The following GAS7 variants were observed in gnomAD, a reference collection of about 807,000 sequenced individuals.
The protein encoded by GAS7 is growth arrest specific 7, also known as growth arrest-specific protein 7.
GAS7 carries 28 observed loss-of-function variants against 71.1 expected under a neutral mutation model. The ratio of observed to expected loss-of-function variants is 0.39; its 90% CI spans 0.29 to 0.54. The LOEUF (loss-of-function observed/expected upper bound fraction) is 0.54. Among genes scored for constraint, GAS7 ranks in the 20% least tolerant of loss-of-function variants. GAS7 has a pLI of 0.62. For missense variants in GAS7, 436 were observed against 627.8 expected (o/e 0.69, Z 3.27); for synonymous variants, 258 against 245.8 (o/e 1.05, Z -0.46).
At chr17:10,191,124 G>T (rs533698597) in intron 1 of GAS7, among the ~76,000 whole-genome samples, 2 of 147,350 alleles carry the variant, frequency 1.4e-5, no homozygotes, top group East Asian at 4.0e-4. Context: ...ACAGTGAGCC[G>T]AGATCACGCC....
Position 10,094,758 on chromosome 17 carries a change from G to A in GAS7, c.184-74861C>T, listed in dbSNP as rs182948704. ...GCTGGGATTACAGGTGTGAGCCACC[G>A]CGCCCGGCCACTCTCTGGATCTTTA... On this transcript the variant is annotated intron_variant, in intron 1 of 13. Coordinates refer to ENST00000432992, the MANE Select transcript of GAS7 (RefSeq NM_201433.2). 2.0e-3 allele frequency among the ~76,000 whole-genome samples: 310 copies of A among 152,180 alleles called. 4 individuals carry two copies. The highest frequency in any genetic ancestry group is 7.3e-3 in the African/African-American group (303 of 41,526).
chr17:9,949,521 C>A (rs2068920834), intron 5 of GAS7, among the ~76,000 whole-genome samples: 1 of 152,140 alleles, frequency 6.6e-6, no homozygotes, highest in East Asian at 1.9e-4. Flanking sequence ...AGCGCACACC[C>A]CCTCCCCAGC....
chr17:10,006,875 C>T (rs1049639482), intron 2 of GAS7, among the ~76,000 whole-genome samples: 3 of 152,148 alleles, frequency 2.0e-5, no homozygotes, highest in Admixed American at 2.0e-4. Flanking sequence ...CCTTTCTTGG[C>T]AGTTTTATAC....
At position 10,034,551 on chromosome 17, in the gene GAS7, T is replaced by G. The variant is rs972030745; in HGVS notation, c.184-14654A>C. 1.3e-5 allele frequency among the ~76,000 whole-genome samples: 2 copies of G among 152,140 alleles called. No homozygotes were observed. Among genetic ancestry groups the G allele is most frequent in the Non-Finnish European group, 2.9e-5 (2 of 68,018 alleles). ...CTTGAACTCCTGACCTCAGGTGATC[T>G]GCCCACCTCGGCCTCCCAAAGTGCT... On this transcript the variant is annotated intron_variant, in intron 1 of 13. Transcript: ENST00000432992. This position sits in a 1 kb window ranked among gnomAD's most constrained non-coding sequence, Gnocchi z 4.4.
At chr17:9,998,006 G>A (rs180712033) in intron 2 of GAS7, among the ~76,000 whole-genome samples, 59 of 152,298 alleles carry the variant, frequency 3.9e-4, no homozygotes, top group African/African-American at 1.3e-3. Context: ...TCTTACGGGG[G>A]CTTCAGTACA....
At chr17:10,076,713 T>C (rs146741072) in intron 1 of GAS7, among the ~76,000 whole-genome samples, 35 of 152,274 alleles carry the variant, frequency 2.3e-4, no homozygotes, top group African/African-American at 7.2e-4. Flanking sequence ...TGATTTCAAG[T>C]TGAAAACATT....
At chr17:10,155,088 C>T (rs529582170) in intron 1 of GAS7, among the ~76,000 whole-genome samples, 1 of 151,980 alleles carries the variant, frequency 6.6e-6, no homozygotes, top group East Asian at 1.9e-4. Flanking sequence ...GATCTCGGCT[C>T]ACTGCGACCT....
intron 1 of GAS7, among the ~76,000 whole-genome samples, chr17:10,121,809 G>C (rs952399457): frequency 6.6e-6 from 1 of 152,110 alleles, no homozygotes. Context: ...GGCTTCCCCA[G>C]CCCCAAGCCT....
At chr17:9,978,409 T>A (rs572583845) in intron 3 of GAS7, among the ~76,000 whole-genome samples, 2 of 149,862 alleles carry the variant, frequency 1.3e-5, no homozygotes, top group Non-Finnish European at 3.0e-5. Flanking sequence ...TGTCTGTAAT[T>A]TGGGTAATTT....
At chr17:10,191,039 G>T (rs1264810247) in intron 1 of GAS7, among the ~76,000 whole-genome samples, 1 of 152,020 alleles carries the variant, frequency 6.6e-6, no homozygotes, top group Non-Finnish European at 1.5e-5. Context: ...GCCGGGTGTG[G>T]TGGCGCATGC....
chr17:10,072,627 G>C (rs1029436553), intron 1 of GAS7, among the ~76,000 whole-genome samples: 1 of 152,180 alleles, frequency 6.6e-6, no homozygotes, highest in African/African-American at 2.4e-5. Flanking sequence ...CATCGCCTTA[G>C]AAACCTCTGG....
chr17:10,118,595 C>T (rs957409801), intron 1 of GAS7, among the ~76,000 whole-genome samples: 6 of 150,754 alleles, frequency 4.0e-5, no homozygotes, highest in Middle Eastern at 3.5e-3. Context: ...TCCCAGCTAC[C>T]CTGGGGGCTG....
At chr17:10,093,491 C>T (rs1400231361) in intron 1 of GAS7, among the ~76,000 whole-genome samples, 1 of 147,942 alleles carries the variant, frequency 6.8e-6, no homozygotes, top group Non-Finnish European at 1.5e-5. Context: ...ATCGCTTGAA[C>T]CCAGGAGGCA....
rs1213896778 is a variant in GAS7 at position 10,026,312 on chromosome 17, C to G, written c.184-6415G>C. The G allele has an allele frequency of 1.4e-5, 14 of 984,768 alleles. No homozygotes were observed. The highest frequency in any genetic ancestry group is 1.7e-5 in the Non-Finnish European group (14 of 829,510). 61.0% of individuals were successfully genotyped at this position (984,768 alleles called of 1,614,324 possible). ...GGAGCTCTAAAGAAAAGCATATCCA[C>G]AGGGCCCCACACCCCCACTCCCCCC... On this transcript the variant is annotated intron_variant, in intron 1 of 13. Transcript: ENST00000432992. The surrounding 1 kb of genome is among the most constrained non-coding windows in gnomAD (Gnocchi z 4.5).
intron 1 of GAS7, among the ~76,000 whole-genome samples, chr17:10,127,607 T>C (rs2073961017): frequency 6.6e-6 from 1 of 152,204 alleles, no homozygotes; most frequent in Non-Finnish European, 1.5e-5. Context: ...AGAATTTTAA[T>C]TTTAAAGATA....
intron 1 of GAS7, among the ~76,000 whole-genome samples, chr17:10,119,654 T>C (rs1222299969): frequency 1.3e-5 from 2 of 152,202 alleles, no homozygotes; most frequent in Non-Finnish European, 2.9e-5. Flanking sequence ...CACAACTCAG[T>C]GGTTTCTCTA....
intron 1 of GAS7, chr17:10,036,295 A>G (rs2072749504): frequency 3.9e-6 from 3 of 776,054 alleles, no homozygotes; most frequent in Admixed American, 3.8e-5. Context: ...CAGGGTCCCC[A>G]GACCACCACA....
chr17:9,977,420 T>A (rs1648418156), intron 3 of GAS7, among the ~76,000 whole-genome samples: 1 of 152,232 alleles, frequency 6.6e-6, no homozygotes, highest in Non-Finnish European at 1.5e-5. Flanking sequence ...ACTCATTTTC[T>A]TTCTCTTTGC....
intron 1 of GAS7, among the ~76,000 whole-genome samples, chr17:10,195,615 A>G (rs2074535033): frequency 6.6e-6 from 1 of 152,168 alleles, no homozygotes; most frequent in African/African-American, 2.4e-5. Flanking sequence ...GCTCCCAAGC[A>G]AGCTGAGTGA....
Sources: allele counts gnomAD v4.1 joint callset (sites outside exome capture counted in the v4.1 genomes callset), GRCh38; gene constraint gnomAD v4.1.1; non-coding constraint Gnocchi (gnomAD v3.1); transcripts MANE v1.5; gene names NCBI Gene and HGNC (gene_info 2026-07-23, HGNC 2026-07-21).